Variants in RNGTT observed in about 807,000 individuals in gnomAD.
RNGTT encodes RNA guanylyltransferase and 5'-phosphatase, also known as mRNA-capping enzyme.
A neutral mutation model predicts 79.3 loss-of-function variants in RNGTT; 33 were observed. That is an observed-to-expected ratio of 0.42 (90% CI 0.32 to 0.56). RNGTT has a LOEUF of 0.56. Among genes scored for constraint, RNGTT ranks in the 20% least tolerant of loss-of-function variants. The pLI is 0.17. For missense variants in RNGTT, 497 were observed against 739.1 expected (o/e 0.67, Z 3.80); for synonymous variants, 222 against 235.9 (o/e 0.94, Z 0.54).
rs74662032 is a variant in RNGTT, at chr6:88,933,525, G to A, written c.175-4258C>T. Among the ~76,000 whole-genome samples the A allele has an allele frequency of 4.3e-3, 656 of 151,626 alleles. 8 individuals carry two copies. The highest frequency in any genetic ancestry group is 0.018 in the East Asian group (94 of 5,166). On this transcript the variant is annotated intron_variant, in intron 2 of 15. Coordinates refer to ENST00000369485, the MANE Select transcript of RNGTT (RefSeq NM_003800.5). Reference sequence around the variant, plus strand: ...AGATAGAGTCTCACTCTGTTGCCCCGGCTGGAATGTAGTAGCACAATCATA... The same window carrying A: ...AGATAGAGTCTCACTCTGTTGCCCCAGCTGGAATGTAGTAGCACAATCATA...
chr6:88,651,347 G>A (rs1213402217), intron 14 of RNGTT, among the ~76,000 whole-genome samples: 1 of 152,018 alleles, frequency 6.6e-6, no homozygotes, highest in Non-Finnish European at 1.5e-5. Context: ...CTGCATACAA[G>A]GCAACATAAT....
chr6:88,698,286 TATATC>T (rs1465396380), intron 13 of RNGTT, among the ~76,000 whole-genome samples: 1 of 131,358 alleles, frequency 7.6e-6, no homozygotes, highest in East Asian at 2.1e-4. Flanking sequence ...ATATTTCATA[TATATC>T]ATATATATAT....
chr6:88,637,490 G>A (rs1035719426), intron 14 of RNGTT, among the ~76,000 whole-genome samples: 4 of 152,016 alleles, frequency 2.6e-5, no homozygotes, highest in African/African-American at 9.7e-5. Flanking sequence ...ATCTCAAAAT[G>A]TCTCAAGTTA....
At chr6:88,788,367 G>C (rs1187303192) in intron 12 of RNGTT, among the ~76,000 whole-genome samples, 2 of 152,046 alleles carry the variant, frequency 1.3e-5, no homozygotes, top group Admixed American at 1.3e-4. Context: ...AGACTAGGAG[G>C]AATCAGGAGC....
intron 14 of RNGTT, among the ~76,000 whole-genome samples, chr6:88,618,331 T>C (rs1772310243): frequency 6.6e-6 from 1 of 152,190 alleles, no homozygotes; most frequent in Non-Finnish European, 1.5e-5. Flanking sequence ...ATTTAACTAA[T>C]AAAAATAATA....
intron 14 of RNGTT, among the ~76,000 whole-genome samples, chr6:88,672,552 G>A (rs1302704494): frequency 6.6e-6 from 1 of 152,056 alleles, no homozygotes; most frequent in African/African-American, 2.4e-5. Flanking sequence ...GGGGACTCAG[G>A]GGGAAGTGTG....
intron 14 of RNGTT, among the ~76,000 whole-genome samples, chr6:88,677,654 G>C (rs1004643541): frequency 2.0e-5 from 3 of 151,918 alleles, no homozygotes; most frequent in Admixed American, 6.6e-5. Context: ...GTAGAGATGA[G>C]GTTTCACTAT....
At chr6:88,859,130 T>C (rs553268417) in intron 8 of RNGTT, among the ~76,000 whole-genome samples, 7 of 152,130 alleles carry the variant, frequency 4.6e-5, no homozygotes, top group Admixed American at 1.3e-4. Context: ...GTGCTGGGAT[T>C]ACCGGCATAA....
intron 11 of RNGTT, among the ~76,000 whole-genome samples, chr6:88,819,609 C>G (rs576786379): frequency 6.6e-6 from 1 of 152,188 alleles, no homozygotes; most frequent in African/African-American, 2.4e-5. Flanking sequence ...ATCAAACTAC[C>G]AACAAGGACT....
intron 14 of RNGTT, among the ~76,000 whole-genome samples, chr6:88,655,602 T>A (rs1034614251): frequency 2.0e-5 from 3 of 151,902 alleles, no homozygotes; most frequent in African/African-American, 2.4e-5. Context: ...GAAAAATAAC[T>A]GCCTTAAAAA....
At position 88,853,656 on chromosome 6, in the gene RNGTT, C is replaced by A. The variant is rs751095643; in HGVS notation, c.1005G>T (p.Met335Ile). Residue 335 changes from methionine (M) to isoleucine (I), a missense_variant, in exon 9 of 16, where the codon ATG becomes ATT. By Grantham distance (10) the Met-to-Ile change is conservative. Around this residue, in one of 3 missense-constraint regions of RNGTT, gnomAD observed 440 missense variants for 671.5 expected, o/e 0.66. Transcript: ENST00000369485. ...LEFPFRKDLR[M>I]HLSNTLLDGE... ...CATCCAAGAGAGTATTTGATAAATG[C>A]ATACGAAGATCTTTACGAAATGGAA... 3.1e-6 allele frequency: 5 copies of A among 1,592,120 alleles called. No homozygotes were observed. The African/African-American group carries it at 5.4e-5, about 17-fold the overall frequency.
At chr6:88,870,344 A>G (rs758065848) in intron 8 of RNGTT, among the ~76,000 whole-genome samples, 1 of 152,108 alleles carries the variant, frequency 6.6e-6, no homozygotes, top group Non-Finnish European at 1.5e-5. Flanking sequence ...TCCCCAAAAT[A>G]TATCATTAGG....
intron 14 of RNGTT, among the ~76,000 whole-genome samples, chr6:88,634,714 G>A (rs761340480): frequency 1.5e-4 from 23 of 151,994 alleles, no homozygotes; most frequent in Non-Finnish European, 2.4e-4. Context: ...GTACTACAAC[G>A]AAAGAATCTT....
chr6:88,809,943 G>A (rs540758429), intron 11 of RNGTT, among the ~76,000 whole-genome samples: 1 of 152,006 alleles, frequency 6.6e-6, no homozygotes, highest in East Asian at 1.9e-4. Flanking sequence ...AGCTACTCAG[G>A]AGGCTGAGGC....
intron 14 of RNGTT, among the ~76,000 whole-genome samples, chr6:88,665,695 G>A (rs998239078): frequency 3.3e-5 from 5 of 152,264 alleles, no homozygotes; most frequent in Non-Finnish European, 2.9e-5. Flanking sequence ...ACTTGGACCC[G>A]GCTTCCCCAG....
chr6:88,920,813 C>T (rs1213395552), intron 4 of RNGTT, among the ~76,000 whole-genome samples: 2 of 152,108 alleles, frequency 1.3e-5, no homozygotes, highest in African/African-American at 2.4e-5. Flanking sequence ...CTTAGAAGAA[C>T]TGATAAGAAA....
At chr6:88,655,705 T>G (rs1421283946) in intron 14 of RNGTT, among the ~76,000 whole-genome samples, 1 of 152,216 alleles carries the variant, frequency 6.6e-6, no homozygotes, top group Non-Finnish European at 1.5e-5. Flanking sequence ...TTTCAAGCCT[T>G]TCTGCAGTGT....
intron 13 of RNGTT, among the ~76,000 whole-genome samples, chr6:88,727,338 T>C (rs1325908418): frequency 6.6e-6 from 1 of 152,134 alleles, no homozygotes; most frequent in Non-Finnish European, 1.5e-5. Context: ...AAATTTTTTC[T>C]TTTAAAGGTT....
At position 88,804,296 on chromosome 6, in the gene RNGTT, C is replaced by A. The variant is rs115146927; in HGVS notation, c.1270-2664G>T. 2.2e-3 allele frequency among the ~76,000 whole-genome samples: 338 copies of A among 152,188 alleles called. 1 individual carries two copies. The highest frequency in any genetic ancestry group is 7.7e-3 in the African/African-American group (320 of 41,540). On this transcript the variant is annotated intron_variant, in intron 11 of 15. Transcript: ENST00000369485. ...TCTTATGACTCTCTGAAACAAATGC[C>A]CCAAAGATTTCTGCAAGTTCCTAAA...
Sources: allele counts gnomAD v4.1 joint callset (sites outside exome capture counted in the v4.1 genomes callset), GRCh38; gene constraint gnomAD v4.1.1; regional missense constraint gnomAD v4.1.1; transcripts MANE v1.5; gene names NCBI Gene and HGNC (gene_info 2026-07-23, HGNC 2026-07-21).